RBBP8NL: variants seen among roughly 807,000 people sequenced by gnomAD.
The protein encoded by RBBP8NL is RBBP8 N-terminal-like protein.
In RBBP8NL, 59 loss-of-function variants were observed where a neutral mutation model predicts 62.2. The ratio of observed to expected loss-of-function variants is 0.95; its 90% CI spans 0.77 to 1.18. The LOEUF (loss-of-function observed/expected upper bound fraction) is 1.18. Among genes scored for constraint, RBBP8NL ranks in the 50% most tolerant of loss-of-function variants. The pLI is 0.00. For synonymous variants in RBBP8NL, 412 were observed against 394.1 expected, an observed-to-expected ratio of 1.05 and a Z score of -0.54; for missense variants, 896 against 899.5, an observed-to-expected ratio of 1.00 and a Z score of 0.05.
intron 1 of RBBP8NL, among the ~76,000 whole-genome samples, chr20:62,426,000 G>A (rs1319381858): frequency 7.9e-6 from 1 of 126,038 alleles, no homozygotes; most frequent in Non-Finnish European, 1.6e-5. Flanking sequence ...CAGTGGGAGT[G>A]GCAGTGGCAG....
chr20:62,413,973 C>T lies in RBBP8NL; in HGVS notation c.1378G>A (p.Gly460Ser), dbSNP rs773114589. 12 of 1,572,668 alleles carry T rather than the reference C, an allele frequency of 7.6e-6. No homozygotes were observed. Among genetic ancestry groups the T allele is most frequent in the African/African-American group, 1.4e-5 (1 of 73,946 alleles). Residue 460 changes from glycine (G) to serine (S), a missense_variant, in exon 10 of 14, where the codon GGC (glycine) becomes AGC (serine). By Grantham distance (56) the Gly-to-Ser change is moderately conservative. Coordinates refer to ENST00000252998, the MANE Select transcript of RBBP8NL (RefSeq NM_080833.3). ...GCAGGGCTGAGTGACCCATGCTGGC[C>T]GGCCGGCTTGGGAGTGTCCTGGCCC... ...ARGQDTPKPA[G>S]QHGSLSPAAA...
Position 62,415,240 on chromosome 20 carries a change from C to T in RBBP8NL, c.675G>A (p.Val225=). ...SNQLHGTIAV[V]RPGSQACPAD... ...CAGGGCAAGCCTGGGACCCAGGCCG[C>T]ACCACGGCAATGGTCCCGTGCAGCT... is the stretch of plus-strand genomic sequence containing the variant. Residue 225 remains valine (V), a synonymous_variant, in exon 9 of 14, where the codon GTG becomes GTA. Transcript: ENST00000252998. 1 of 1,556,908 alleles carries T rather than the reference C, an allele frequency of 6.4e-7. No individual in the cohort carries two copies. Among genetic ancestry groups the T allele is most frequent in the Non-Finnish European group, 8.7e-7 (1 of 1,155,336 alleles).
At position 62,415,593 on chromosome 20, in the gene RBBP8NL, C is replaced by A. The variant is rs140889626; in HGVS notation, c.612G>T (p.Ser204=). The change falls in exon 8 of 14, where the codon TCG becomes TCT. Residue 204 remains serine, a synonymous_variant. Transcript: ENST00000252998. ...KISPGATLPE[S]RAPDMSPQRI... The stretch of plus-strand genomic sequence containing the variant: ...CTGCCCTTACCATGTCTGGGGCTCG[C>A]GACTCAGGCAGGGTGGCCCCTGGGG... 35 of 1,612,742 alleles carry A rather than the reference C, an allele frequency of 2.2e-5. No individual in the cohort carries two copies. In the African/African-American group the frequency reaches 2.8e-4, roughly 13 times the overall value.
In RBBP8NL at chr20:62,416,079, G is replaced by A. The variant is rs530177462; in HGVS notation, c.386+85C>T. ...CACTGCCTGAGAGTCCTCCATGGGCGGTTCCCCCAGGGACGTGTGCTGGGT... is the reference window on the plus strand; with the variant it reads ...CACTGCCTGAGAGTCCTCCATGGGCAGTTCCCCCAGGGACGTGTGCTGGGT... On this transcript the variant is annotated intron_variant, in intron 6 of 13. Transcript: ENST00000252998. 1.3e-4 allele frequency: 198 copies of A among 1,481,944 alleles called. No homozygotes were observed. The East Asian group carries it at 4.3e-3, about 32-fold the overall frequency. The allele number at this position is 1,481,944 out of a possible 1,614,324, so 91.8% of individuals were successfully genotyped here.
chr20:62,413,535 C>T lies in RBBP8NL; in HGVS notation c.1541G>A (p.Arg514His), dbSNP rs148778713. 2.4e-5 allele frequency: 37 copies of T among 1,522,660 alleles called. No individual in the cohort carries two copies. In the African/African-American group the frequency reaches 3.1e-4, roughly 13 times the overall value. The allele number at this position is 1,522,660 out of a possible 1,614,324, so 94.3% of individuals were successfully genotyped here. The change falls in exon 11 of 14, where the codon CGC becomes CAC. Residue 514 changes from arginine (R) to histidine (H), a missense_variant. Transcript: ENST00000252998. ...GCTGAGCTGGGACCCTGGAAGTGGG[C>T]GTGAGGGGTCCTGGGGGGAGGCAAG... is the stretch of plus-strand genomic sequence containing the variant. The part of the protein sequence containing the change: ...EEASTPMDPS[R>H]PLPGSQLSLS...
intron 1 of RBBP8NL, among the ~76,000 whole-genome samples, chr20:62,421,532 G>GTGC (rs1988700542): frequency 6.8e-6 from 1 of 147,910 alleles, no homozygotes; most frequent in Non-Finnish European, 1.5e-5. Flanking sequence ...GCATGTGTGT[G>GTGC]CACACCCAAG....
chr20:62,419,948 GC>G (rs926138437), intron 1 of RBBP8NL, among the ~76,000 whole-genome samples: 22 of 152,222 alleles, frequency 1.4e-4, no homozygotes, highest in African/African-American at 4.8e-4. Context: ...GTGGCCGGGG[GC>G]CAGAGGGCAG....
intron 3 of RBBP8NL, 81 bp downstream of exon 3, chr20:62,418,342 G>A: frequency 7.5e-7 from 1 of 1,327,716 alleles, no homozygotes; most frequent in Non-Finnish European, 1.1e-6. Context: ...GACGGTGGTA[G>A]TGCTGGCACA....
chr20:62,415,747 C>CGG, intron 7 of RBBP8NL, 41 bp downstream of exon 7: 1 of 1,609,366 alleles, frequency 6.2e-7, no homozygotes, highest in Non-Finnish European at 8.5e-7. Flanking sequence ...CCTGGTCCTG[C>CGG]GGGGGCCCAG....
intron 1 of RBBP8NL, among the ~76,000 whole-genome samples, chr20:62,421,265 T>G (rs1169145082): frequency 1.3e-5 from 2 of 151,718 alleles, no homozygotes; most frequent in African/African-American, 4.8e-5. Flanking sequence ...GTGTGCCGTG[T>G]GTGTGCATGA....
chr20:62,425,425 C>T (rs1005665086), intron 1 of RBBP8NL, among the ~76,000 whole-genome samples: 4 of 152,206 alleles, frequency 2.6e-5, no homozygotes, highest in Non-Finnish European at 4.4e-5. Context: ...CTCCAATGGG[C>T]TCACGGCATC....
Position 62,416,345 on chromosome 20 carries a change from G to A in RBBP8NL, c.314-109C>T, listed in dbSNP as rs1988566302. On this transcript the variant is annotated intron_variant, in intron 5 of 13. Coordinates refer to ENST00000252998, the MANE Select transcript of RBBP8NL (RefSeq NM_080833.3). ...CCCTCAGCAGTGCCCCCAGCACGTA[G>A]CCCAGGGCCTGGCAGGCAGCAGGGG... The A allele has an allele frequency of 4.0e-6, 4 of 1,006,114 alleles. 1 individual carries two copies. The highest frequency in any genetic ancestry group is 5.2e-5 in the East Asian group (2 of 38,340). 62.3% of individuals were successfully genotyped at this position (1,006,114 alleles called of 1,614,324 possible). A position where few individuals can be genotyped will look rare whatever the true frequency, so the allele number is the denominator to read the frequency against.
chr20:62,415,284 G>T lies in RBBP8NL; in HGVS notation c.631C>A (p.Pro211Thr). 1 of 1,569,864 alleles carries T rather than the reference G, an allele frequency of 6.4e-7. No individual in the cohort carries two copies. The highest frequency in any genetic ancestry group is 1.3e-5 in the African/African-American group (1 of 74,432). ...LPESRAPDMSPQRISNQLHGT... is the reference protein window; with the variant it reads ...LPESRAPDMSTQRISNQLHGT... The stretch of plus-strand genomic sequence containing the variant: ...TGCAGCTGGTTGGAGATGCGCTGGG[G>T]GCTCTGTGAGGATGGGTGGGTCAGC... Residue 211 changes from proline to threonine, a missense_variant, in exon 9 of 14, where the codon CCC becomes ACC. Transcript: ENST00000252998.
intron 1 of RBBP8NL, 35 bp from the exon 2 acceptor site, chr20:62,419,765 A>G: frequency 9.0e-7 from 1 of 1,114,698 alleles, no homozygotes; most frequent in Non-Finnish European, 1.3e-6. Context: ...GGATCCGCTC[A>G]GGAAGGGCTT....
chr20:62,422,183 C>A (rs1988715156), intron 1 of RBBP8NL, among the ~76,000 whole-genome samples: 1 of 152,212 alleles, frequency 6.6e-6, no homozygotes, highest in Non-Finnish European at 1.5e-5. Flanking sequence ...CAGCCCAGCC[C>A]AAGTGGATCA....
In RBBP8NL at chr20:62,417,980, C is replaced by A. The variant is rs8122166; in HGVS notation, c.104+443G>T. On this transcript the variant is annotated intron_variant, in intron 3 of 13. Coordinates refer to ENST00000252998, the MANE Select transcript of RBBP8NL (RefSeq NM_080833.3). ...CTGTGACGTCTGTCCTGTCCACACA[C>A]CGCCCCCCCTGTCATCTGCACGCTC... Among the ~76,000 whole-genome samples, 315 of 76,694 alleles carry A rather than the reference C, an allele frequency of 4.1e-3. 2 individuals carry two copies. The highest frequency in any genetic ancestry group is 0.013 in the Middle Eastern group (2 of 150). The allele number at this position is 76,694 out of a possible 152,430, so 50.3% of individuals were successfully genotyped here.
chr20:62,425,450 C>T (rs894453273), intron 1 of RBBP8NL, among the ~76,000 whole-genome samples: 2 of 152,218 alleles, frequency 1.3e-5, no homozygotes, highest in African/African-American at 4.8e-5. Context: ...TGGCTACACC[C>T]AGGGGAGATG....
chr20:62,416,343 T>A, intron 5 of RBBP8NL, 107 bp from the exon 6 acceptor site: 1 of 1,024,094 alleles, frequency 9.8e-7, no homozygotes, highest in African/African-American at 1.6e-5. Context: ...CCCCAGCACG[T>A]AGCCCAGGGC....
In RBBP8NL at chr20:62,410,931, C is replaced by T. The variant is rs777918221; in HGVS notation, c.1942G>A (p.Asp648Asn). The T allele has an allele frequency of 6.2e-7, 1 of 1,613,708 alleles. No individual in the cohort carries two copies. The highest frequency in any genetic ancestry group is 8.5e-7 in the Non-Finnish European group (1 of 1,179,932). ...GGGGAGGGACTGTGGTCCTCGGCGTCCCTTGGGCTCCCGGGCCCCTCAGTG... is the reference window on the plus strand; with the variant it reads ...GGGGAGGGACTGTGGTCCTCGGCGTTCCTTGGGCTCCCGGGCCCCTCAGTG... ...TATEGPGSPRDAEDHSPSPNS... is the reference protein window; with the variant it reads ...TATEGPGSPRNAEDHSPSPNS... Residue 648 changes from aspartate to asparagine, a missense_variant, in exon 14 of 14, where the codon GAC becomes AAC. Transcript: ENST00000252998.
Sources: allele counts gnomAD v4.1 joint callset (sites outside exome capture counted in the v4.1 genomes callset), GRCh38; gene constraint gnomAD v4.1.1; transcripts MANE v1.5; gene names NCBI Gene and HGNC (gene_info 2026-07-23, HGNC 2026-07-21).